Variants in NIBAN1 observed in about 807,000 individuals in gnomAD.
The protein encoded by NIBAN1 is protein Niban 1.
NIBAN1 carries 81 observed loss-of-function variants against 75.1 expected under a neutral mutation model. The ratio of observed to expected loss-of-function variants is 1.08; its 90% CI spans 0.90 to 1.30. The LOEUF is 1.30. NIBAN1 is among the 50% of genes most tolerant of loss of function. NIBAN1 has a pLI of 0.00. For synonymous variants in NIBAN1, 436 were observed against 424.8 expected (o/e 1.03, Z -0.32); for missense variants, 1,133 against 1,128.1 (o/e 1.00, Z -0.06).
chr1:184,842,998 T>C (rs1655336611), intron 5 of NIBAN1, among the ~76,000 whole-genome samples: 1 of 152,156 alleles, frequency 6.6e-6, no homozygotes, highest in Non-Finnish European at 1.5e-5. Context: ...CCTTAGCAGG[T>C]TACAAAAGGT....
At position 184,811,679 on chromosome 1, in the gene NIBAN1, A is replaced by C. The variant is rs539234695; in HGVS notation, c.1174-3444T>G. ...GGCTAATTTTTGGTATTTTTAGTAG[A>C]GACAGGGTTTCACCATGTTAGCCAG... On this transcript the variant is annotated intron_variant, in intron 9 of 13. Transcript: ENST00000367511. Among the ~76,000 whole-genome samples the C allele has an allele frequency of 6.6e-5, 10 of 152,012 alleles. No homozygotes were observed. The South Asian group carries it at 1.9e-3, about 28-fold the overall frequency.
At chr1:184,930,402 T>A (rs1280274490) in intron 1 of NIBAN1, among the ~76,000 whole-genome samples, 1 of 152,130 alleles carries the variant, frequency 6.6e-6, no homozygotes, top group Non-Finnish European at 1.5e-5. Flanking sequence ...AGACTGACAG[T>A]TTAATTTCTC....
rs1658842622 is a variant in NIBAN1, at chr1:184,967,977, G to A, written c.55+6325C>T. Among the ~76,000 whole-genome samples, 13 of 9,570 alleles carry A rather than the reference G, an allele frequency of 1.4e-3. 5 individuals carry two copies. In the South Asian group the frequency reaches 0.037, roughly 27 times the overall value. The allele number at this position is 9,570 out of a possible 152,430, so 6.3% of individuals were successfully genotyped here. A position where few individuals can be genotyped will look rare whatever the true frequency, so the allele number is the denominator to read the frequency against. On this transcript the variant is annotated intron_variant, in intron 1 of 13. Coordinates refer to ENST00000367511, the MANE Select transcript of NIBAN1 (RefSeq NM_052966.4). Reference sequence around the variant, plus strand: ...CCAGCACTTTGGGAGGCCGAGGCGGGTGGATCATGAGGTCAGGAGATCGAG... The same window carrying A: ...CCAGCACTTTGGGAGGCCGAGGCGGATGGATCATGAGGTCAGGAGATCGAG...
chr1:184,891,378 A>G (rs543622981), intron 3 of NIBAN1, among the ~76,000 whole-genome samples: 30 of 152,346 alleles, frequency 2.0e-4, no homozygotes, highest in African/African-American at 5.1e-4. Flanking sequence ...ACAGAGCTAC[A>G]TTATAGTGAA....
At chr1:184,960,219 T>A (rs1337186004) in intron 1 of NIBAN1, among the ~76,000 whole-genome samples, 3 of 152,216 alleles carry the variant, frequency 2.0e-5, no homozygotes, top group Non-Finnish European at 2.9e-5. Flanking sequence ...ATGTACTGTT[T>A]AAATTTAAAT....
chr1:184,857,557 A>G (rs1325430161), intron 5 of NIBAN1, among the ~76,000 whole-genome samples: 2 of 152,206 alleles, frequency 1.3e-5, no homozygotes, highest in East Asian at 1.9e-4. Flanking sequence ...CAATGAGAAT[A>G]TATGCCTAAA....
chr1:184,937,145 C>CTT (rs138240427), intron 1 of NIBAN1, among the ~76,000 whole-genome samples: 5,333 of 92,044 alleles, frequency 0.058, 331 homozygotes, highest in Non-Finnish European at 0.085. Flanking sequence ...TAGCTGGATT[C>CTT]TTTTTTTTTT....
intron 1 of NIBAN1, among the ~76,000 whole-genome samples, chr1:184,967,354 C>G (rs1658822570): frequency 6.6e-6 from 1 of 152,008 alleles, no homozygotes; most frequent in Non-Finnish European, 1.5e-5. Flanking sequence ...TTTATCTTCA[C>G]TTCTGACTTC....
intron 13 of NIBAN1, among the ~76,000 whole-genome samples, chr1:184,796,413 C>T (rs552384418): frequency 1.3e-5 from 2 of 152,336 alleles, no homozygotes; most frequent in African/African-American, 4.8e-5. Flanking sequence ...CTGTATCCCT[C>T]AGGGAGGCCC....
chr1:184,896,037 CTTTT>C (rs1021712016), intron 2 of NIBAN1, among the ~76,000 whole-genome samples: 5 of 152,076 alleles, frequency 3.3e-5, no homozygotes, highest in South Asian at 4.1e-4. Flanking sequence ...ATACAGGAGT[CTTTT>C]TATATAATGA....
chr1:184,798,220 T>C (rs767913266), intron 12 of NIBAN1, 30 bp from the exon 13 acceptor site: 29 of 1,423,898 alleles, frequency 2.0e-5, no homozygotes, highest in African/African-American at 2.8e-5. Context: ...AAGATAAAGA[T>C]GAAAAGGCAT....
At chr1:184,944,327 T>G (rs1427147996) in intron 1 of NIBAN1, among the ~76,000 whole-genome samples, 5 of 152,204 alleles carry the variant, frequency 3.3e-5, no homozygotes, top group Non-Finnish European at 5.9e-5. Context: ...TTTATGGGAA[T>G]GACCACACTG....
At chr1:184,900,397 A>G (rs1165509756) in intron 1 of NIBAN1, among the ~76,000 whole-genome samples, 10 of 152,184 alleles carry the variant, frequency 6.6e-5, no homozygotes, top group Non-Finnish European at 1.5e-5. Context: ...AATCCTAACT[A>G]TAAAGGAAGG....
intron 5 of NIBAN1, among the ~76,000 whole-genome samples, chr1:184,883,182 G>T (rs745567045): frequency 6.6e-6 from 1 of 152,206 alleles, no homozygotes; most frequent in Non-Finnish European, 1.5e-5. Context: ...AAGGCACAAT[G>T]GGTGAGGTGA....
intron 1 of NIBAN1, among the ~76,000 whole-genome samples, chr1:184,960,681 T>G (rs954610202): frequency 2.0e-5 from 3 of 151,720 alleles, no homozygotes; most frequent in African/African-American, 7.3e-5. Flanking sequence ...CAGACTGGAG[T>G]GCAGTGGCAC....
At chr1:184,808,383 A>G in intron 9 of NIBAN1, 148 bp from the exon 10 acceptor site, 4 of 796,548 alleles carry the variant, frequency 5.0e-6, no homozygotes, top group Non-Finnish European at 7.7e-6. Context: ...GACACCTTCA[A>G]CTGTCTTATT....
chr1:184,883,860 G>A (rs995424514), intron 5 of NIBAN1, among the ~76,000 whole-genome samples: 6 of 152,104 alleles, frequency 3.9e-5, no homozygotes, highest in African/African-American at 9.7e-5. Flanking sequence ...ACCACGGACC[G>A]TGCCACTCAT....
At chr1:184,973,368 C>T (rs1032928722) in intron 1 of NIBAN1, among the ~76,000 whole-genome samples, 2 of 152,204 alleles carry the variant, frequency 1.3e-5, no homozygotes, top group African/African-American at 2.4e-5. Flanking sequence ...GATTCAAGGG[C>T]CAAATAAACC....
intron 1 of NIBAN1, among the ~76,000 whole-genome samples, chr1:184,959,092 A>G (rs1280952332): frequency 1.3e-5 from 2 of 152,278 alleles, no homozygotes; most frequent in East Asian, 3.8e-4. Flanking sequence ...TAAGGGCACA[A>G]GGCCACCAAT....
Sources: gnomAD v4.1 joint callset for allele counts (sites outside exome capture counted in the v4.1 genomes callset) on GRCh38, gnomAD v4.1.1 for gene constraint, MANE v1.5 for transcripts, NCBI Gene and HGNC (gene_info 2026-07-23, HGNC 2026-07-21) for gene names.